The following TRPC7 variants were observed in gnomAD, a reference collection of about 807,000 sequenced individuals.
The protein encoded by TRPC7 is transient receptor potential cation channel subfamily C member 7.
In TRPC7, 42 loss-of-function variants were observed where a neutral mutation model predicts 90.1. The ratio of observed to expected loss-of-function variants is 0.47; its 90% CI spans 0.36 to 0.60. The LOEUF is 0.60. Ranked by LOEUF, TRPC7 falls within the 20% of genes least tolerant of loss-of-function variation. The probability of loss-of-function intolerance (pLI) is 0.00; values close to 1 mark genes in which losing one functional copy is unlikely to be tolerated. For synonymous variants in TRPC7, 451 were observed against 436.3 expected (o/e 1.03, Z -0.42); for missense variants, 955 against 1,112.3 (o/e 0.86, Z 2.01).
intron 2 of TRPC7, among the ~76,000 whole-genome samples, chr5:136,336,666 C>T (rs572158286): frequency 5.3e-5 from 8 of 152,140 alleles, no homozygotes; most frequent in South Asian, 2.1e-4. Context: ...CCCTTTCCCC[C>T]GATCCCAGGA....
chr5:136,217,015 G>A (rs1234219564), intron 10 of TRPC7, among the ~76,000 whole-genome samples: 1 of 152,388 alleles, frequency 6.6e-6, no homozygotes, highest in African/African-American at 2.4e-5. Flanking sequence ...ATAGAGCCAA[G>A]TGTAGGAAAG....
chr5:136,225,420 G>A (rs990901942), intron 9 of TRPC7, 66 bp from the exon 10 acceptor site: 71 of 1,490,646 alleles, frequency 4.8e-5, no homozygotes, highest in Admixed American at 9.5e-5. Context: ...TACATATCTC[G>A]TAGGACTTGA....
At chr5:136,321,416 A>G (rs1309993680) in intron 2 of TRPC7, among the ~76,000 whole-genome samples, 2 of 152,196 alleles carry the variant, frequency 1.3e-5, no homozygotes, top group South Asian at 2.1e-4. Context: ...TAAGTTTCCT[A>G]TTGATAAAAT....
chr5:136,326,210 C>T (rs183607361), intron 2 of TRPC7, among the ~76,000 whole-genome samples: 6 of 152,302 alleles, frequency 3.9e-5, no homozygotes, highest in African/African-American at 9.6e-5. Flanking sequence ...GCTTCATTAC[C>T]GTATTTCTTT....
rs1321414179 is a variant in TRPC7 at position 136,357,232 on chromosome 5, C to T, written c.156G>A (p.Glu52=). Residue 52 remains glutamate, a synonymous_variant, in exon 2 of 12, where the codon GAG becomes GAA. Coordinates refer to ENST00000513104, the MANE Select transcript of TRPC7 (RefSeq NM_020389.3). ...PEEERFLDSA[E]YGNIPVVRKM... ...TCCGGACCACCGGGATGTTGCCATA[C>T]TCAGCCGAGTCCAGGAAGCGCTCCT... 6.2e-7 allele frequency: 1 copy of T among 1,613,948 alleles called. No individual in the cohort carries two copies. The highest frequency in any genetic ancestry group is 1.1e-5 in the South Asian group (1 of 91,072).
chr5:136,294,697 T>G (rs1758099357), intron 3 of TRPC7, among the ~76,000 whole-genome samples: 1 of 152,234 alleles, frequency 6.6e-6, no homozygotes, highest in Non-Finnish European at 1.5e-5. Context: ...TTGGTGGGAC[T>G]GTAAACTAGT....
chr5:136,315,804 G>A (rs543743742), intron 2 of TRPC7, 25 bp from the exon 3 acceptor site: 12 of 1,605,142 alleles, frequency 7.5e-6, no homozygotes, highest in Middle Eastern at 1.7e-4. Context: ...AGAAATCAGC[G>A]GTATGTCACA....
chr5:136,297,285 A>G (rs1228023673), intron 3 of TRPC7, among the ~76,000 whole-genome samples: 2 of 152,092 alleles, frequency 1.3e-5, no homozygotes, highest in Non-Finnish European at 2.9e-5. Flanking sequence ...TATTTATTCT[A>G]TATTGTCCAC....
chr5:136,238,030 A>T (rs1237915101), intron 7 of TRPC7, among the ~76,000 whole-genome samples: 1 of 151,942 alleles, frequency 6.6e-6, no homozygotes, highest in African/African-American at 2.4e-5. Context: ...CCCTTCACTC[A>T]TTGCACTCTG....
intron 10 of TRPC7, among the ~76,000 whole-genome samples, chr5:136,218,349 A>G (rs868408979): frequency 6.6e-6 from 1 of 151,980 alleles, no homozygotes; most frequent in Non-Finnish European, 1.5e-5. Flanking sequence ...ACACTTAGTT[A>G]TCTGTCATTC....
In TRPC7 at chr5:136,356,536, C is replaced by T. The variant is rs993015998; in HGVS notation, c.780+72G>A. On this transcript the variant is annotated intron_variant, in intron 2 of 11. Transcript: ENST00000513104. ...CTCTTTCTTAGATTTGAAGACAACCCATTTCACACTGGACACACGTGGAAG... is the reference window on the plus strand; with the variant it reads ...CTCTTTCTTAGATTTGAAGACAACCTATTTCACACTGGACACACGTGGAAG... 5.0e-6 allele frequency: 7 copies of T among 1,397,446 alleles called. No homozygotes were observed. In the East Asian group the frequency reaches 1.5e-4, roughly 29 times the overall value. 86.6% of individuals were successfully genotyped at this position (1,397,446 alleles called of 1,614,324 possible).
intron 1 of TRPC7, among the ~76,000 whole-genome samples, chr5:136,361,254 A>G (rs1233734194): frequency 6.6e-6 from 1 of 152,212 alleles, no homozygotes; most frequent in Non-Finnish European, 1.5e-5. Flanking sequence ...ATTTGCACAT[A>G]TTATTGAGAT....
chr5:136,256,789 A>G (rs947334662), intron 5 of TRPC7, among the ~76,000 whole-genome samples: 1 of 152,208 alleles, frequency 6.6e-6, no homozygotes, highest in Non-Finnish European at 1.5e-5. Context: ...ATGATATTCC[A>G]CAGTTTTTAT....
chr5:136,330,958 A>G (rs1170985064), intron 2 of TRPC7, among the ~76,000 whole-genome samples: 1 of 152,104 alleles, frequency 6.6e-6, no homozygotes, highest in East Asian at 1.9e-4. Flanking sequence ...GTGAGAGGTT[A>G]TGGGAATGGG....
At chr5:136,251,570 G>T in intron 6 of TRPC7, 79 bp downstream of exon 6, 1 of 1,182,884 alleles carries the variant, frequency 8.5e-7, no homozygotes, top group Non-Finnish European at 1.2e-6. Context: ...AGCGTTACAA[G>T]TTCACCAGCC....
intron 1 of TRPC7, among the ~76,000 whole-genome samples, chr5:136,360,891 T>A (rs1470588906): frequency 3.3e-5 from 5 of 152,178 alleles, no homozygotes; most frequent in African/African-American, 9.7e-5. Context: ...AATATCCCTC[T>A]AATGATACTT....
chr5:136,340,254 C>G (rs1412155581), intron 2 of TRPC7, among the ~76,000 whole-genome samples: 1 of 151,846 alleles, frequency 6.6e-6, no homozygotes, highest in Non-Finnish European at 1.5e-5. Context: ...TATATGGGAT[C>G]TAAAATAGTT....
intron 2 of TRPC7, among the ~76,000 whole-genome samples, chr5:136,329,380 T>G (rs1759432403): frequency 6.6e-6 from 1 of 152,188 alleles, no homozygotes; most frequent in South Asian, 2.1e-4. Context: ...CTCAGAGTCC[T>G]TCTAGAGACA....
At chr5:136,306,478 C>G (rs896334265) in intron 3 of TRPC7, among the ~76,000 whole-genome samples, 2 of 152,118 alleles carry the variant, frequency 1.3e-5, no homozygotes, top group African/African-American at 4.8e-5. Flanking sequence ...CGCCCATTCT[C>G]TCTCCATACC....
Sources: allele counts gnomAD v4.1 joint callset (sites outside exome capture counted in the v4.1 genomes callset), GRCh38; gene constraint gnomAD v4.1.1; transcripts MANE v1.5; gene names NCBI Gene and HGNC (gene_info 2026-07-23, HGNC 2026-07-21).